The following UGT1A8 variants were observed in gnomAD, a reference collection of about 807,000 sequenced individuals.
UGT1A8 encodes the protein UDP-glucuronosyltransferase 1A8.
UGT1A8 carries 39 observed loss-of-function variants against 45.3 expected under a neutral mutation model. That is an observed-to-expected ratio of 0.86 (90% CI 0.67 to 1.12). The LOEUF (loss-of-function observed/expected upper bound fraction) is 1.12, where lower values mean the gene tolerates loss of function less well. Among genes scored for constraint, UGT1A8 ranks in the 50% most tolerant of loss-of-function variants. UGT1A8 has a pLI of 0.00. For missense variants in UGT1A8, 719 were observed against 664.9 expected, an observed-to-expected ratio of 1.08 and a Z score of -0.90; for synonymous variants, 275 against 249.2, an observed-to-expected ratio of 1.10 and a Z score of -0.97.
intron 1 of UGT1A8, among the ~76,000 whole-genome samples, chr2:233,727,690 C>G (rs1223646501): frequency 6.6e-6 from 1 of 152,230 alleles, no homozygotes; most frequent in African/African-American, 2.4e-5. Context: ...GAATCATCCT[C>G]TACTGGACAG....
intron 1 of UGT1A8, among the ~76,000 whole-genome samples, chr2:233,687,730 C>G (rs879286075): frequency 1.1e-4 from 17 of 151,952 alleles, no homozygotes; most frequent in Non-Finnish European, 2.2e-4. Flanking sequence ...TAGGGAGACA[C>G]TGTCTCTACA....
At chr2:233,625,457 T>TA (rs908877459) in intron 1 of UGT1A8, among the ~76,000 whole-genome samples, 1 of 151,960 alleles carries the variant, frequency 6.6e-6, no homozygotes, top group African/African-American at 2.4e-5. Flanking sequence ...ATATATATAT[T>TA]AAAAAAATCA....
chr2:233,767,880 C>G lies in UGT1A8; in HGVS notation c.1019C>G (p.Ser340Trp), dbSNP rs144978321. Reference sequence around the variant, plus strand: ...TGGCGGTACACTGGAACCCGACCATCGAATCTTGCGAACAACACGATACTT... The same window carrying G: ...TGGCGGTACACTGGAACCCGACCATGGAATCTTGCGAACAACACGATACTT... Reference protein sequence around the residue: ...VLWRYTGTRPSNLANNTILVK... With the variant: ...VLWRYTGTRPWNLANNTILVK... Residue 340 changes from serine to tryptophan, a missense_variant, in exon 3 of 5, where the codon TCG becomes TGG. By Grantham distance (177) the Ser-to-Trp change is radical. Transcript: ENST00000373450. 6.2e-7 allele frequency: 1 copy of G among 1,614,168 alleles called. No individual in the cohort carries two copies. The highest frequency in any genetic ancestry group is 1.7e-5 in the Admixed American group (1 of 60,018).
intron 1 of UGT1A8, chr2:233,740,675 C>T (rs946709661): frequency 1.3e-5 from 2 of 151,760 alleles, no homozygotes; most frequent in African/African-American, 2.4e-5. Flanking sequence ...CAGGTGTTTC[C>T]ATGGAGGGTG....
intron 1 of UGT1A8, among the ~76,000 whole-genome samples, chr2:233,703,752 G>A (rs1363536949): frequency 2.6e-5 from 4 of 151,892 alleles, no homozygotes; most frequent in Admixed American, 1.3e-4. Flanking sequence ...AATCTCAAAT[G>A]TATCTTCTGC....
At chr2:233,771,613 G>GT (rs1296922590) in intron 4 of UGT1A8, 10 of 152,180 alleles carry the variant, frequency 6.6e-5, no homozygotes, top group Non-Finnish European at 1.2e-4. Flanking sequence ...AATTTCTGAC[G>GT]TGACATTTTC....
At chr2:233,620,122 C>T (rs1297133858) in intron 1 of UGT1A8, among the ~76,000 whole-genome samples, 1 of 152,130 alleles carries the variant, frequency 6.6e-6, no homozygotes, top group East Asian at 1.9e-4. Flanking sequence ...TCATATCTGT[C>T]ATTGGCAGAT....
At chr2:233,666,571 G>C (rs1358698571) in intron 1 of UGT1A8, among the ~76,000 whole-genome samples, 1 of 151,710 alleles carries the variant, frequency 6.6e-6, no homozygotes, top group African/African-American at 2.4e-5. Context: ...TTATATTCTG[G>C]ATATTTATCC....
intron 1 of UGT1A8, among the ~76,000 whole-genome samples, chr2:233,685,336 A>G (rs2074735162): frequency 1.3e-5 from 2 of 152,078 alleles, no homozygotes; most frequent in Admixed American, 6.6e-5. Flanking sequence ...CCCGGACTTA[A>G]AGTGGTTTTA....
At chr2:233,669,712 C>T (rs571170892) in intron 1 of UGT1A8, among the ~76,000 whole-genome samples, 24 of 152,234 alleles carry the variant, frequency 1.6e-4, no homozygotes, top group African/African-American at 5.5e-4. Context: ...GAGACAGAGT[C>T]GTGCTGTTTT....
intron 1 of UGT1A8, among the ~76,000 whole-genome samples, chr2:233,646,136 G>A (rs1575398277): frequency 6.6e-6 from 1 of 152,284 alleles, no homozygotes. Context: ...TGAAGCCATG[G>A]TGTGAGCTGT....
chr2:233,658,063 G>A (rs1362178248), intron 1 of UGT1A8, among the ~76,000 whole-genome samples: 1 of 149,186 alleles, frequency 6.7e-6, no homozygotes, highest in Non-Finnish European at 1.5e-5. Flanking sequence ...CTGTCACCCA[G>A]GCTGGAGTGC....
At chr2:233,685,917 AT>A (rs1237121683) in intron 1 of UGT1A8, among the ~76,000 whole-genome samples, 2 of 152,340 alleles carry the variant, frequency 1.3e-5, no homozygotes, top group African/African-American at 4.8e-5. Flanking sequence ...CCATCATTAA[AT>A]TTATCCTGAT....
chr2:233,743,816 T>G (rs1350624065), intron 1 of UGT1A8: 1 of 1,367,308 alleles, frequency 7.3e-7, no homozygotes, highest in South Asian at 1.1e-5. Flanking sequence ...CTCAGGGTTT[T>G]TGTCGGGGTG....
chr2:233,768,895 A>G (rs962281870), intron 4 of UGT1A8, among the ~76,000 whole-genome samples: 6 of 152,074 alleles, frequency 3.9e-5, no homozygotes, highest in African/African-American at 1.4e-4. Context: ...GGATTTATAA[A>G]TAAGATAATT....
At chr2:233,760,542 G>A in intron 1 of UGT1A8, 1 of 1,614,262 alleles carries the variant, frequency 6.2e-7, no homozygotes, top group Non-Finnish European at 8.5e-7. Flanking sequence ...CATTCCAAAG[G>A]GAGGATGTGA....
chr2:233,645,862 C>T (rs1009102336), intron 1 of UGT1A8, among the ~76,000 whole-genome samples: 1 of 152,140 alleles, frequency 6.6e-6, no homozygotes, highest in Non-Finnish European at 1.5e-5. Context: ...GGGATGGTGG[C>T]CCTCTTCTCA....
At chr2:233,755,040 C>T (rs756883955) in intron 1 of UGT1A8, 1 of 1,322,900 alleles carries the variant, frequency 7.6e-7, no homozygotes, top group South Asian at 1.1e-5. Flanking sequence ...GCCGCCTGCG[C>T]AGCCGCCCTC....
At chr2:233,730,107 G>C (rs2077985691) in intron 1 of UGT1A8, 1 of 1,570,754 alleles carries the variant, frequency 6.4e-7, no homozygotes. Flanking sequence ...TTTCATTTCT[G>C]CTTCTCCTTG....
Sources: allele counts gnomAD v4.1 joint callset (sites outside exome capture counted in the v4.1 genomes callset), GRCh38; gene constraint gnomAD v4.1.1; transcripts MANE v1.5; gene names NCBI Gene and HGNC (gene_info 2026-07-23, HGNC 2026-07-21).